Variants in CACNA1E observed in about 807,000 individuals in gnomAD.
CACNA1E encodes calcium voltage-gated channel subunit alpha1 E.
CACNA1E carries 40 observed loss-of-function variants against 259.2 expected under a neutral mutation model. The ratio of observed to expected loss-of-function variants is 0.15; its 90% CI spans 0.12 to 0.20. The LOEUF (loss-of-function observed/expected upper bound fraction) is 0.20. CACNA1E is among the 10% of genes least tolerant of loss of function. The pLI is 1.00. For synonymous variants in CACNA1E, 1,104 were observed against 1,138.5 expected (o/e 0.97, Z 0.61); for missense variants, 1,874 against 3,040.1 (o/e 0.62, Z 9.02).
intron 3 of CACNA1E, among the ~76,000 whole-genome samples, chr1:181,558,595 C>T (rs1196899996): frequency 6.6e-6 from 1 of 152,142 alleles, no homozygotes; most frequent in Non-Finnish European, 1.5e-5. Flanking sequence ...GAAAGCTGGG[C>T]ACCTGCAGGA....
chr1:181,412,930 TCAA>T (rs1454103289), intron 1 of CACNA1E, among the ~76,000 whole-genome samples: 1 of 152,212 alleles, frequency 6.6e-6, no homozygotes. Flanking sequence ...GCTCCTAATT[TCAA>T]CATCATTTAT....
At chr1:181,635,087 C>G (rs1336815249) in intron 6 of CACNA1E, among the ~76,000 whole-genome samples, 1 of 152,236 alleles carries the variant, frequency 6.6e-6, no homozygotes, top group African/African-American at 2.4e-5. Flanking sequence ...CTTGTTGAGA[C>G]AGAACAGCTT....
At chr1:181,653,350 C>T (rs758574190) in intron 7 of CACNA1E, among the ~76,000 whole-genome samples, 14 of 152,060 alleles carry the variant, frequency 9.2e-5, no homozygotes, top group South Asian at 2.1e-4. Flanking sequence ...ATGATTGTCA[C>T]GAGACCTGAT....
chr1:181,470,762 A>G (rs1662451446), intron 2 of CACNA1E, among the ~76,000 whole-genome samples: 1 of 151,982 alleles, frequency 6.6e-6, no homozygotes, highest in Admixed American at 6.6e-5. Context: ...GGCTTGGAGG[A>G]AGCTTTGGGC....
chr1:181,608,787 T>G (rs1380429107), intron 6 of CACNA1E, among the ~76,000 whole-genome samples: 1 of 152,222 alleles, frequency 6.6e-6, no homozygotes, highest in Non-Finnish European at 1.5e-5. Flanking sequence ...GTTCTTTTCC[T>G]TGGGACATCT....
intron 7 of CACNA1E, among the ~76,000 whole-genome samples, chr1:181,677,368 T>C (rs1273986664): frequency 1.3e-5 from 2 of 152,236 alleles, no homozygotes; most frequent in Non-Finnish European, 2.9e-5. Context: ...AGCACTGCTA[T>C]ACATGATTAG....
intron 1 of CACNA1E, among the ~76,000 whole-genome samples, chr1:181,401,751 T>A (rs1359240109): frequency 6.6e-6 from 1 of 152,214 alleles, no homozygotes; most frequent in Non-Finnish European, 1.5e-5. Flanking sequence ...CAGGCTAAAA[T>A]GCTTGAAAGA....
chr1:181,670,696 C>T (rs1233603409), intron 7 of CACNA1E, among the ~76,000 whole-genome samples: 1 of 152,176 alleles, frequency 6.6e-6, no homozygotes, highest in Admixed American at 6.5e-5. Flanking sequence ...GAGGCCTCCC[C>T]ACCCTCGGCA....
At chr1:181,407,948 T>A (rs575054623) in intron 1 of CACNA1E, among the ~76,000 whole-genome samples, 1 of 152,218 alleles carries the variant, frequency 6.6e-6, no homozygotes, top group Non-Finnish European at 1.5e-5. Flanking sequence ...AATTAGGACA[T>A]CTTTACCCTC....
chr1:181,775,229 G>A lies in CACNA1E; in HGVS notation c.5140-872G>A, dbSNP rs191508169. ...GGTTTAATGACTAGTTGAGGCCTGGGTCACAGGAGGGCATCCCACTGAATC... is the reference window on the plus strand; with the variant it reads ...GGTTTAATGACTAGTTGAGGCCTGGATCACAGGAGGGCATCCCACTGAATC... On this transcript the variant is annotated intron_variant, in intron 37 of 47. Coordinates refer to ENST00000367573, the MANE Select transcript of CACNA1E (RefSeq NM_001205293.3). Among the ~76,000 whole-genome samples the A allele has an allele frequency of 3.2e-3, 486 of 152,310 alleles. 8 individuals are homozygous for A. The highest frequency in any genetic ancestry group is 0.024 in the Admixed American group (373 of 15,302).
intron 38 of CACNA1E, among the ~76,000 whole-genome samples, chr1:181,780,611 C>T (rs1424833559): frequency 6.6e-6 from 1 of 152,238 alleles, no homozygotes; most frequent in Non-Finnish European, 1.5e-5. Flanking sequence ...TCTGCTGAGA[C>T]TCTTTAAACT....
chr1:181,748,934 C>G (rs1558342023), intron 25 of CACNA1E, among the ~76,000 whole-genome samples: 1 of 152,104 alleles, frequency 6.6e-6, no homozygotes, highest in Admixed American at 6.5e-5. Flanking sequence ...TTTGGCTGAC[C>G]TACCATATGC....
chr1:181,568,075 T>C (rs745310601), intron 3 of CACNA1E, among the ~76,000 whole-genome samples: 4 of 152,150 alleles, frequency 2.6e-5, no homozygotes, highest in Non-Finnish European at 4.4e-5. Context: ...TTCTAGAACA[T>C]AGGTCAATTG....
At chr1:181,791,257 G>T (rs914996610) in intron 44 of CACNA1E, among the ~76,000 whole-genome samples, 1 of 152,204 alleles carries the variant, frequency 6.6e-6, no homozygotes, top group Non-Finnish European at 1.5e-5. Context: ...AGATCATGAG[G>T]TCAGGAGATC....
intron 2 of CACNA1E, among the ~76,000 whole-genome samples, chr1:181,463,837 T>A (rs1039288409): frequency 6.6e-6 from 1 of 152,160 alleles, no homozygotes; most frequent in African/African-American, 2.4e-5. Context: ...TTTTTGATGA[T>A]TTTTGTTCAT....
chr1:181,471,571 C>T (rs1312017958), intron 2 of CACNA1E, among the ~76,000 whole-genome samples: 5 of 151,930 alleles, frequency 3.3e-5, no homozygotes, highest in African/African-American at 1.2e-4. Flanking sequence ...GGTTGAGTTG[C>T]TTTCAGAATT....
intron 7 of CACNA1E, 25 bp downstream of exon 7, chr1:181,651,466 TAACTC>T: frequency 6.6e-7 from 1 of 1,521,634 alleles, no homozygotes; most frequent in Non-Finnish European, 9.1e-7. Flanking sequence ...TCTCTCTTCT[TAACTC>T]ATTTGCTGAC....
chr1:181,553,861 C>T lies in CACNA1E; in HGVS notation c.513-23905C>T, dbSNP rs565503014. Among the ~76,000 whole-genome samples the T allele has an allele frequency of 2.1e-4, 32 of 152,220 alleles. No individual in the cohort carries two copies. The Middle Eastern group carries it at 0.017, about 81-fold the overall frequency. The stretch of plus-strand genomic sequence containing the variant: ...ATCCCAGGGATAAAGCCGACTTGAT[C>T]GTGGTGGATAAGTTTTTTGATATAG... On this transcript the variant is annotated intron_variant, in intron 3 of 47. Transcript: ENST00000367573.
intron 19 of CACNA1E, among the ~76,000 whole-genome samples, chr1:181,731,436 T>C (rs1655466372): frequency 6.6e-6 from 1 of 152,214 alleles, no homozygotes; most frequent in Non-Finnish European, 1.5e-5. Flanking sequence ...TGTCTACCTT[T>C]GTGAACTGTG....
Sources: allele counts gnomAD v4.1 joint callset (sites outside exome capture counted in the v4.1 genomes callset), GRCh38; gene constraint gnomAD v4.1.1; transcripts MANE v1.5; gene names NCBI Gene and HGNC (gene_info 2026-07-23, HGNC 2026-07-21).